MEGF11: variants seen among roughly 807,000 people sequenced by gnomAD.
MEGF11 encodes multiple EGF like domains 11.
In MEGF11, 126 loss-of-function variants were observed where a neutral mutation model predicts 146.6. The ratio of observed to expected loss-of-function variants is 0.86; its 90% CI spans 0.74 to 1.00. MEGF11 has a LOEUF of 1.00. Among genes scored for constraint, MEGF11 ranks in the 50% least tolerant of loss-of-function variants. The pLI is 0.00. For missense variants in MEGF11, 1,509 were observed against 1,521.2 expected, an observed-to-expected ratio of 0.99 and a Z score of 0.13; for synonymous variants, 532 against 583.4, an observed-to-expected ratio of 0.91 and a Z score of 1.27.
intron 5 of MEGF11, among the ~76,000 whole-genome samples, chr15:65,988,094 G>C (rs1178194425): frequency 1.4e-5 from 2 of 144,424 alleles, no homozygotes; most frequent in African/African-American, 2.6e-5. Context: ...TGCAACTTCT[G>C]TGTCCCAGGT....
intron 5 of MEGF11, among the ~76,000 whole-genome samples, chr15:66,003,565 C>T (rs183324924): frequency 3.3e-5 from 5 of 152,116 alleles, no homozygotes; most frequent in Admixed American, 1.3e-4. Context: ...CCGTGGTGGC[C>T]ACAGACTGTT....
chr15:66,193,774 G>T (rs2090939584), intron 1 of MEGF11, among the ~76,000 whole-genome samples: 1 of 151,534 alleles, frequency 6.6e-6, no homozygotes, highest in African/African-American at 2.4e-5. Context: ...AGGCTGCCGA[G>T]CAAACTAATA....
chr15:65,977,552 T>C (rs2081495262), intron 7 of MEGF11, among the ~76,000 whole-genome samples: 1 of 149,944 alleles, frequency 6.7e-6, no homozygotes, highest in Non-Finnish European at 1.5e-5. Flanking sequence ...CAATCTTGGC[T>C]CACTGCAACC....
intron 5 of MEGF11, among the ~76,000 whole-genome samples, chr15:66,064,147 C>T (rs2085020119): frequency 6.6e-6 from 1 of 152,160 alleles, no homozygotes; most frequent in East Asian, 1.9e-4. Context: ...GAAGGCAGAT[C>T]ACTTGAGGTC....
intron 5 of MEGF11, among the ~76,000 whole-genome samples, chr15:66,039,130 C>T (rs1029497548): frequency 6.6e-6 from 1 of 152,184 alleles, no homozygotes; most frequent in African/African-American, 2.4e-5. Flanking sequence ...GAGGTGACTA[C>T]CTATGCGATA....
chr15:66,201,117 T>C (rs1188628043), intron 1 of MEGF11, among the ~76,000 whole-genome samples: 1 of 152,108 alleles, frequency 6.6e-6, no homozygotes, highest in Non-Finnish European at 1.5e-5. Context: ...TGGTGTGTGA[T>C]GACAGACCAA....
intron 15 of MEGF11, among the ~76,000 whole-genome samples, chr15:65,920,152 C>A (rs2079130364): frequency 1.3e-5 from 2 of 152,230 alleles, no homozygotes; most frequent in African/African-American, 2.4e-5. Flanking sequence ...TGCCTTTGAG[C>A]AAACTCTCTG....
chr15:65,912,443 C>T (rs2078844054), intron 20 of MEGF11: 1 of 317,504 alleles, frequency 3.1e-6, no homozygotes, highest in African/African-American at 2.1e-5. Flanking sequence ...TCACCTGTGC[C>T]AAGGGGAGGC....
At chr15:65,948,983 A>G (rs965593035) in intron 10 of MEGF11, among the ~76,000 whole-genome samples, 5 of 152,220 alleles carry the variant, frequency 3.3e-5, no homozygotes, top group African/African-American at 1.2e-4. Flanking sequence ...TTGGGAAATG[A>G]GTCAATAGTG....
chr15:66,034,398 GTTTT>G (rs58298192), intron 5 of MEGF11, among the ~76,000 whole-genome samples: 4 of 145,170 alleles, frequency 2.8e-5, no homozygotes, highest in Non-Finnish European at 6.1e-5. Flanking sequence ...TGGAATGCTG[GTTTT>G]TTTTTTTTTG....
intron 5 of MEGF11, among the ~76,000 whole-genome samples, chr15:66,066,602 G>T (rs997126354): frequency 6.6e-6 from 1 of 152,208 alleles, no homozygotes; most frequent in Admixed American, 6.5e-5. Context: ...CTACAGGTCT[G>T]TCTGAAATGC....
intron 10 of MEGF11, among the ~76,000 whole-genome samples, chr15:65,947,088 G>A (rs930276479): frequency 1.3e-5 from 2 of 152,080 alleles, no homozygotes; most frequent in Non-Finnish European, 2.9e-5. Context: ...CCCATTGTTA[G>A]TTTTCTTATT....
At chr15:66,069,447 A>T (rs898873271) in intron 5 of MEGF11, among the ~76,000 whole-genome samples, 31 of 152,194 alleles carry the variant, frequency 2.0e-4, no homozygotes, top group African/African-American at 7.2e-4. Flanking sequence ...TACATGTAAC[A>T]CCTTATCTAA....
intron 2 of MEGF11, among the ~76,000 whole-genome samples, chr15:66,126,294 G>T (rs2088341382): frequency 6.6e-6 from 1 of 152,116 alleles, no homozygotes; most frequent in Non-Finnish European, 1.5e-5. Flanking sequence ...GAAGAAGAAA[G>T]CACCTGGTGT....
At chr15:66,031,476 T>A (rs546146347) in intron 5 of MEGF11, among the ~76,000 whole-genome samples, 3 of 152,198 alleles carry the variant, frequency 2.0e-5, no homozygotes, top group Non-Finnish European at 2.9e-5. Context: ...GGGTTCTACC[T>A]CAATCCAGCA....
At chr15:66,238,514 G>T (rs750687954) in intron 1 of MEGF11, among the ~76,000 whole-genome samples, 1 of 152,176 alleles carries the variant, frequency 6.6e-6, no homozygotes, top group East Asian at 1.9e-4. Flanking sequence ...CAGGAGCACC[G>T]CCTGGAGGCA....
At chr15:66,092,171 A>C (rs568868622) in intron 5 of MEGF11, among the ~76,000 whole-genome samples, 148 of 152,338 alleles carry the variant, frequency 9.7e-4, no homozygotes, top group African/African-American at 3.2e-3. Flanking sequence ...ACTTTCCAAC[A>C]ATGAGAATGG....
At chr15:66,000,122 G>A (rs1441638886) in intron 5 of MEGF11, among the ~76,000 whole-genome samples, 2 of 152,236 alleles carry the variant, frequency 1.3e-5, no homozygotes, top group African/African-American at 4.8e-5. Context: ...TGTCCTTGGT[G>A]AAGGGCAGCT....
intron 5 of MEGF11, among the ~76,000 whole-genome samples, chr15:66,036,293 C>T (rs994844252): frequency 4.6e-5 from 7 of 152,228 alleles, no homozygotes; most frequent in African/African-American, 1.7e-4. Flanking sequence ...TATCCTTTCT[C>T]CCTGCTCCCT....
Sources: gnomAD v4.1 joint callset for allele counts (sites outside exome capture counted in the v4.1 genomes callset) on GRCh38, gnomAD v4.1.1 for gene constraint, MANE v1.5 for transcripts, NCBI Gene and HGNC (gene_info 2026-07-23, HGNC 2026-07-21) for gene names.